PER2: variants seen among roughly 807,000 people sequenced by gnomAD.
PER2 encodes the protein period circadian regulator 2.
In PER2, 66 loss-of-function variants were observed where a neutral mutation model predicts 121.0. The ratio of observed to expected loss-of-function variants is 0.55; its 90% CI spans 0.45 to 0.67. The LOEUF (loss-of-function observed/expected upper bound fraction) is 0.67, where lower values mean the gene tolerates loss of function less well. PER2 is among the 30% of genes least tolerant of loss of function. PER2 has a pLI of 0.00. For missense variants in PER2, 1,521 were observed against 1,635.0 expected, an observed-to-expected ratio of 0.93 and a Z score of 1.20; for synonymous variants, 684 against 659.9, an observed-to-expected ratio of 1.04 and a Z score of -0.56.
the PER2 span, chr2:238,295,502 G>T: frequency 6.6e-6 from 1 of 152,250 alleles, no homozygotes. Context: ...CAAAGCTCTG[G>T]GATTACAGGC....
intron 1 of PER2, among the ~76,000 whole-genome samples, chr2:238,283,325 G>A (rs1668572587): frequency 1.3e-5 from 2 of 152,230 alleles, no homozygotes; most frequent in African/African-American, 4.8e-5. Context: ...GTGTCGTCTT[G>A]TGTGTGCTTT....
chr2:238,269,008 C>A, intron 6 of PER2, 34 bp from the exon 7 acceptor site: 1 of 1,479,996 alleles, frequency 6.8e-7, no homozygotes, highest in Non-Finnish European at 9.5e-7. Context: ...TTCATCCAAA[C>A]CAACAACTAA....
chr2:238,297,988 C>A, the PER2 span, among the ~76,000 whole-genome samples: 1 of 151,834 alleles, frequency 6.6e-6, no homozygotes, highest in Non-Finnish European at 1.5e-5. Context: ...TTTTTCTCCA[C>A]TCTCCCTGCC....
rs780990266 is a variant in PER2, at chr2:238,258,568, G to C, written c.1704C>G (p.Pro568=). 9 of 1,613,990 alleles carry C rather than the reference G, an allele frequency of 5.6e-6. No individual in the cohort carries two copies. The highest frequency in any genetic ancestry group is 6.8e-6 in the Non-Finnish European group (8 of 1,179,978). The change falls in exon 15 of 23, where the codon CCC becomes CCG. Residue 568 remains proline (P), a synonymous_variant. Coordinates refer to ENST00000254657, the MANE Select transcript of PER2 (RefSeq NM_022817.3). The part of the protein sequence containing the change: ...MEKDSLGVSF[P]EELACKNQPT... ...GCTGGTTCTTGCAGGCCAACTCCTC[G>C]GGGAAGCTGACCCCCAGGCTGTCCT...
At chr2:238,290,417 T>C (rs1283702306), upstream of PER2, among the ~76,000 whole-genome samples, 1 of 152,160 alleles carries the variant, frequency 6.6e-6, no homozygotes, top group Non-Finnish European at 1.5e-5. Context: ...TCCATTGTTC[T>C]GGAAACAAGA....
rs1574850111 is a variant in PER2, at chr2:238,265,629, G to C, written c.968-39C>G. 6.7e-6 allele frequency: 8 copies of C among 1,196,174 alleles called. No individual in the cohort carries two copies. In the East Asian group the frequency reaches 1.9e-4, roughly 28 times the overall value. 74.1% of individuals were successfully genotyped at this position (1,196,174 alleles called of 1,614,324 possible). ...ATATTGCACACATTTGTGATCCTAA[G>C]AAATGCATATTTGATGTTATATTAA... On this transcript the variant is annotated intron_variant, in intron 8 of 22. Transcript: ENST00000254657.
chr2:238,262,093 C>A (rs769189669), intron 11 of PER2, 98 bp downstream of exon 11: 92 of 1,250,024 alleles, frequency 7.4e-5, no homozygotes, highest in Non-Finnish European at 1.0e-4. Flanking sequence ...GTCTTGGCCT[C>A]TCAGCCCCTC....
At chr2:238,259,578 T>C (rs2106374886) in intron 14 of PER2, among the ~76,000 whole-genome samples, 1 of 152,316 alleles carries the variant, frequency 6.6e-6, no homozygotes. Flanking sequence ...GTGAAGGGTT[T>C]GCAAGTGTAA....
the PER2 span, chr2:238,298,375 AG>A: frequency 6.6e-6 from 1 of 152,076 alleles, no homozygotes; most frequent in Non-Finnish European, 1.5e-5. Context: ...TCTGTTTTCT[AG>A]GGAACCTAAA....
Position 238,251,695 on chromosome 2 carries a change from G to T in PER2, c.3178C>A (p.Leu1060Met). Residue 1060 changes from leucine (L) to methionine (M), a missense_variant, in exon 20 of 23, where the codon CTG becomes ATG. Leu to Met is a conservative substitution (Grantham distance 15). Transcript: ENST00000254657. ...GCTGAGCAGAGGTCCTCATTCAGCAGGAGGTTTAGGAGGCCGCTTGACGTG... is the reference window on the plus strand; with the variant it reads ...GCTGAGCAGAGGTCCTCATTCAGCATGAGGTTTAGGAGGCCGCTTGACGTG... Reference protein sequence around the residue: ...LSTSSGLLNLLLNEDLCSASG... With the variant: ...LSTSSGLLNLMLNEDLCSASG... 1 of 1,613,996 alleles carries T rather than the reference G, an allele frequency of 6.2e-7. No homozygotes were observed. Among genetic ancestry groups the T allele is most frequent in the Non-Finnish European group, 8.5e-7 (1 of 1,179,822 alleles).
chr2:238,250,499 G>A (rs1447691990), intron 21 of PER2, 52 bp downstream of exon 21: 31 of 1,298,134 alleles, frequency 2.4e-5, no homozygotes, highest in Non-Finnish European at 3.4e-5. Context: ...GTTTCTGGGA[G>A]CTCCTGAACC....
chr2:238,261,521 G>C (rs1248856407), intron 12 of PER2: 2 of 611,542 alleles, frequency 3.3e-6, no homozygotes, highest in African/African-American at 3.6e-5. Flanking sequence ...AGACAAGGTC[G>C]AATGCAAGGC....
rs910238373 is a variant in PER2 at position 238,275,604 on chromosome 2, G to A, written c.448+139C>T. The stretch of plus-strand genomic sequence containing the variant: ...CTCAGGAGGCTGTGGCAGCGGAATC[G>A]CTTAAGCCCAGAAGTCAAGGCTGCA... On this transcript the variant is annotated intron_variant, in intron 4 of 22. Coordinates refer to ENST00000254657, the MANE Select transcript of PER2 (RefSeq NM_022817.3). The A allele has an allele frequency of 6.6e-5, 60 of 911,788 alleles. 1 individual carries two copies. The highest frequency in any genetic ancestry group is 6.1e-4 in the South Asian group (46 of 75,692). The allele number at this position is 911,788 out of a possible 1,614,324, so 56.5% of individuals were successfully genotyped here. A position where few individuals can be genotyped will look rare whatever the true frequency, so the allele number is the denominator to read the frequency against.
rs114795537 is a variant in PER2, at chr2:238,270,381, G to A, written c.772+931C>T. On this transcript the variant is annotated intron_variant, in intron 6 of 22. Transcript: ENST00000254657. ...AGGTGTTTCCCTAATAGTTGAAAGG[G>A]ATTTAAAAAACAGAAATCTCTGCTT... Among the ~76,000 whole-genome samples the A allele has an allele frequency of 5.1e-3, 775 of 151,776 alleles. 3 individuals are homozygous for A. The highest frequency in any genetic ancestry group is 8.7e-3 in the Non-Finnish European group (591 of 67,938).
rs2106358260 is a variant in PER2 at position 238,244,421 on chromosome 2, T to C, written c.*1954A>G. ...TAACAATCAGTGAGCACATATTAAA[T>C]GATAAAATAATGCTGATGGTAAACA... On this transcript the variant is annotated 3_prime_UTR_variant, in exon 23 of 23. Transcript: ENST00000254657. 6.6e-6 allele frequency: 1 copy of C among 152,660 alleles called. No individual in the cohort carries two copies. Among genetic ancestry groups the C allele is most frequent in the Middle Eastern group, 3.4e-3 (1 of 294 alleles). 9.5% of individuals were successfully genotyped at this position (152,660 alleles called of 1,614,324 possible).
At chr2:238,273,741 C>G (rs866564812) in intron 4 of PER2, among the ~76,000 whole-genome samples, 1 of 152,150 alleles carries the variant, frequency 6.6e-6, no homozygotes, top group Non-Finnish European at 1.5e-5. Context: ...TCTCAGCTCA[C>G]GGCAACCTCC....
Position 238,268,772 on chromosome 2 carries a change from T to G in PER2, c.824+151A>C, listed in dbSNP as rs11901241. 4.4e-6 allele frequency: 3 copies of G among 681,244 alleles called. No homozygotes were observed. In the African/African-American group the frequency reaches 5.4e-5, roughly 12 times the overall value. The allele number at this position is 681,244 out of a possible 1,614,324, so 42.2% of individuals were successfully genotyped here. A position where few individuals can be genotyped will look rare whatever the true frequency, so the allele number is the denominator to read the frequency against. On this transcript the variant is annotated intron_variant, in intron 7 of 22. Coordinates refer to ENST00000254657, the MANE Select transcript of PER2 (RefSeq NM_022817.3). The surrounding 1 kb of genome is among the most constrained non-coding windows in gnomAD (Gnocchi z 4.0). ...CTTAGCGACCTGTACACATTTAAAATGTAACTGACTGTGTTTTCTGGTAGA... is the reference window on the plus strand; with the variant it reads ...CTTAGCGACCTGTACACATTTAAAAGGTAACTGACTGTGTTTTCTGGTAGA...
At chr2:238,286,916 T>A (rs959657100) in intron 1 of PER2, among the ~76,000 whole-genome samples, 7 of 152,204 alleles carry the variant, frequency 4.6e-5, no homozygotes, top group African/African-American at 1.7e-4. Context: ...AGGAGAACAT[T>A]ACTTGGCCCA....
At chr2:238,262,691 A>T (rs1241226299) in intron 10 of PER2, among the ~76,000 whole-genome samples, 1 of 152,202 alleles carries the variant, frequency 6.6e-6, no homozygotes, top group Non-Finnish European at 1.5e-5. Flanking sequence ...ACTGAAGCCA[A>T]CAGTAAACAT....
Sources: allele counts gnomAD v4.1 joint callset (sites outside exome capture counted in the v4.1 genomes callset), GRCh38; gene constraint gnomAD v4.1.1; non-coding constraint Gnocchi (gnomAD v3.1); transcripts MANE v1.5; gene names NCBI Gene and HGNC (gene_info 2026-07-23, HGNC 2026-07-21).